Variants in RAB31 observed in about 807,000 individuals in gnomAD.
The protein encoded by RAB31 is ras-related protein Rab-31.
Under a neutral mutation model 25.6 loss-of-function variants are expected in RAB31, and 21 were observed. The observed-to-expected ratio is 0.82, with a 90% confidence interval of 0.58 to 1.18. RAB31 has a LOEUF of 1.18. Ranked by LOEUF, RAB31 falls within the 50% of genes most tolerant of loss-of-function variation. The pLI is 0.00. For missense variants in RAB31, 196 were observed against 250.1 expected, an observed-to-expected ratio of 0.78 and a Z score of 1.46; for synonymous variants, 87 against 84.0, an observed-to-expected ratio of 1.04 and a Z score of -0.20.
rs555531307 is a variant in RAB31 at position 9,851,581 on chromosome 18, G to T, written c.490+5890G>T. On this transcript the variant is annotated intron_variant, in intron 6 of 6. Coordinates refer to ENST00000578921, the MANE Select transcript of RAB31 (RefSeq NM_006868.4). ...AGTGAGAGACAGGCAGGCAGGCTCCGGGGCACATGCTCTTAGCTTGTCTAT... is the reference window on the plus strand; with the variant it reads ...AGTGAGAGACAGGCAGGCAGGCTCCTGGGCACATGCTCTTAGCTTGTCTAT... Among the ~76,000 whole-genome samples, 9 of 152,256 alleles carry T rather than the reference G, an allele frequency of 5.9e-5. No individual in the cohort carries two copies. The South Asian group carries it at 8.3e-4, about 14-fold the overall frequency.
At chr18:9,820,951 T>G (rs183539835) in intron 5 of RAB31, among the ~76,000 whole-genome samples, 1 of 152,186 alleles carries the variant, frequency 6.6e-6, no homozygotes, top group African/African-American at 2.4e-5. Flanking sequence ...TGTTCCTCTT[T>G]TTCTGGTTCG....
chr18:9,857,684 G>GATAC (rs1568198124), intron 6 of RAB31, among the ~76,000 whole-genome samples: 5 of 108,700 alleles, frequency 4.6e-5, no homozygotes, highest in Non-Finnish European at 6.0e-5. Flanking sequence ...TAGATAGATA[G>GATAC]ATGATAGATA....
intron 5 of RAB31, among the ~76,000 whole-genome samples, chr18:9,831,931 GC>G (rs1444762565): frequency 2.0e-5 from 3 of 152,206 alleles, no homozygotes; most frequent in African/African-American, 7.2e-5. Flanking sequence ...GCAAGTGGAG[GC>G]AGAGCTGTGG....
chr18:9,758,855 G>A lies in RAB31; in HGVS notation c.40-16423G>A, dbSNP rs573747299. Among the ~76,000 whole-genome samples the A allele has an allele frequency of 7.9e-5, 12 of 152,224 alleles. No individual in the cohort carries two copies. In the South Asian group the frequency reaches 1.7e-3, roughly 21 times the overall value. Reference sequence around the variant, plus strand: ...AAGGGTGACTACAAAAATGACCACCGCTGCCGAGGCCTTTGCTCTGAAAGT... The same window carrying A: ...AAGGGTGACTACAAAAATGACCACCACTGCCGAGGCCTTTGCTCTGAAAGT... On this transcript the variant is annotated intron_variant, in intron 1 of 6. Transcript: ENST00000578921.
intron 1 of RAB31, among the ~76,000 whole-genome samples, chr18:9,728,122 A>ATGCAAACATT (rs1461536267): frequency 6.6e-6 from 1 of 152,244 alleles, no homozygotes; most frequent in East Asian, 1.9e-4. Flanking sequence ...GTCTATGCAT[A>ATGCAAACATT]TGCAAACATT....
intron 6 of RAB31, among the ~76,000 whole-genome samples, chr18:9,846,936 T>C (rs653832): frequency 0.66 from 99,377 of 151,536 alleles, 32,663 homozygotes; most frequent in South Asian, 0.77. Flanking sequence ...GTCTTCACTC[T>C]CTTCCCTTCT....
intron 1 of RAB31, among the ~76,000 whole-genome samples, chr18:9,721,808 A>C (rs2068075032): frequency 6.6e-6 from 1 of 152,064 alleles, no homozygotes; most frequent in Admixed American, 6.6e-5. Flanking sequence ...CGGTGCACAA[A>C]TACCGAGTGT....
At chr18:9,784,555 A>ATTT (rs370039104) in intron 2 of RAB31, among the ~76,000 whole-genome samples, 8 of 142,112 alleles carry the variant, frequency 5.6e-5, no homozygotes, top group South Asian at 2.2e-4. Context: ...ATTTTAGGTG[A>ATTT]TTTTTTTTTT....
At chr18:9,810,666 C>T (rs186674620) in intron 3 of RAB31, among the ~76,000 whole-genome samples, 30 of 152,304 alleles carry the variant, frequency 2.0e-4, no homozygotes, top group African/African-American at 7.0e-4. Context: ...TTCATGAGAC[C>T]TCCATGCCAG....
intron 3 of RAB31, among the ~76,000 whole-genome samples, chr18:9,800,693 C>G (rs770672231): frequency 2.7e-4 from 41 of 152,200 alleles, no homozygotes; most frequent in Admixed American, 6.5e-5. Flanking sequence ...CACTCTGGAG[C>G]TTTAGCAGTT....
chr18:9,793,085 T>G lies in RAB31; in HGVS notation c.201+850T>G, dbSNP rs534366075. On this transcript the variant is annotated intron_variant, in intron 3 of 6. Coordinates refer to ENST00000578921, the MANE Select transcript of RAB31 (RefSeq NM_006868.4). ...CTTGCATAATAACTAGAGCGTATAT[T>G]ATAAAAGTTGCTGTGTCTTGCTGTG... 5.0e-4 allele frequency among the ~76,000 whole-genome samples: 76 copies of G among 152,276 alleles called. 1 individual carries two copies. Among genetic ancestry groups the G allele is most frequent in the African/African-American group, 1.8e-3 (73 of 41,560 alleles).
intron 5 of RAB31, chr18:9,844,730 A>T (rs1057037421): frequency 6.6e-6 from 1 of 152,256 alleles, no homozygotes; most frequent in Non-Finnish European, 1.5e-5. Flanking sequence ...AGAGGTCAGT[A>T]GGTTTTTTTA....
intron 1 of RAB31, among the ~76,000 whole-genome samples, chr18:9,729,853 G>A (rs117110489): frequency 0.014 from 2,079 of 152,238 alleles, 24 homozygotes; most frequent in Middle Eastern, 0.024. Context: ...AGTAGTGTCC[G>A]AATTATGAAT....
At chr18:9,835,381 T>C (rs115635913) in intron 5 of RAB31, among the ~76,000 whole-genome samples, 1 of 151,582 alleles carries the variant, frequency 6.6e-6, no homozygotes, top group African/African-American at 2.4e-5. Flanking sequence ...GCTGAATTTC[T>C]GTCAGCAGAA....
chr18:9,858,663 T>C (rs1298660391), intron 6 of RAB31, among the ~76,000 whole-genome samples: 5 of 152,236 alleles, frequency 3.3e-5, no homozygotes, highest in African/African-American at 1.2e-4. Context: ...CTGTTTCCTA[T>C]GAAAAGTGTC....
intron 1 of RAB31, among the ~76,000 whole-genome samples, chr18:9,759,713 G>T (rs2068278043): frequency 6.6e-6 from 1 of 152,142 alleles, no homozygotes; most frequent in Non-Finnish European, 1.5e-5. Flanking sequence ...AAAAGGGCAA[G>T]GCTATCCCGA....
chr18:9,804,294 A>G (rs1302636000), intron 3 of RAB31, among the ~76,000 whole-genome samples: 1 of 152,176 alleles, frequency 6.6e-6, no homozygotes, highest in East Asian at 1.9e-4. Context: ...ACTGCGCTAG[A>G]TGAACACCTT....
Position 9,843,569 on chromosome 18 carries a change from C to G in RAB31, c.381-2013C>G, listed in dbSNP as rs545884176. On this transcript the variant is annotated intron_variant, in intron 5 of 6. Transcript: ENST00000578921. ...AAAAAAAAAAAAAAAAAAAAAACTT[C>G]AGGAGGAAGTAAAAAACAAGGTATC... 1.2e-4 allele frequency among the ~76,000 whole-genome samples: 18 copies of G among 146,810 alleles called. No individual in the cohort carries two copies. The South Asian group carries it at 3.3e-3, about 27-fold the overall frequency.
chr18:9,739,758 G>T (rs2068168643), intron 1 of RAB31, among the ~76,000 whole-genome samples: 1 of 152,124 alleles, frequency 6.6e-6, no homozygotes, highest in African/African-American at 2.4e-5. Flanking sequence ...TCATCACATT[G>T]TATACTCTCC....
Sources: gnomAD v4.1 joint callset for allele counts (sites outside exome capture counted in the v4.1 genomes callset) on GRCh38, gnomAD v4.1.1 for gene constraint, MANE v1.5 for transcripts, NCBI Gene and HGNC (gene_info 2026-07-23, HGNC 2026-07-21) for gene names.